The following EXOSC9 variants were observed in gnomAD, a reference collection of about 807,000 sequenced individuals.
EXOSC9 encodes the protein exosome component 9, also known as exosome complex component RRP45.
EXOSC9 carries 38 observed loss-of-function variants against 56.5 expected under a neutral mutation model. The observed-to-expected ratio is 0.67, with a 90% CI of 0.52 to 0.88. The LOEUF is 0.88. EXOSC9 is among the 40% of genes least tolerant of loss of function. EXOSC9 has a pLI of 0.00. For synonymous variants in EXOSC9, 170 were observed against 170.8 expected, an observed-to-expected ratio of 0.99 and a Z score of 0.04; for missense variants, 559 against 530.5, an observed-to-expected ratio of 1.05 and a Z score of -0.53.
At chr4:121,813,065 C>T (rs1347376379) in intron 8 of EXOSC9, among the ~76,000 whole-genome samples, 169 bp from the exon 9 acceptor site, 1 of 152,196 alleles carries the variant, frequency 6.6e-6, no homozygotes, top group Non-Finnish European at 1.5e-5. Context: ...TAACTATTTA[C>T]TCTTGTTAGG....
chr4:121,801,896 T>A lies in EXOSC9; in HGVS notation c.136T>A (p.Cys46Ser). The A allele has an allele frequency of 1.2e-6, 2 of 1,613,588 alleles. No homozygotes were observed. Among genetic ancestry groups the A allele is most frequent in the Non-Finnish European group, 1.7e-6 (2 of 1,179,464 alleles). Residue 46 changes from cysteine to serine, a missense_variant, in exon 2 of 12, where the codon TGC becomes AGC. Transcript: ENST00000243498. ...RISFGTDYGC[C>S]IVELGKTRVL... ...CTCATTTGGAACAGATTACGGATGC[T>A]GCATTGTGGAACTTGGAAAAACAAG...
intron 10 of EXOSC9, chr4:121,814,415 T>A (rs1182395716): frequency 6.5e-6 from 1 of 154,268 alleles, no homozygotes; most frequent in African/African-American, 2.4e-5. Context: ...TATTTTTAAT[T>A]AAAAAAATTT....
rs1726905575 is a variant in EXOSC9, at chr4:121,802,749, C to T, written c.237C>T (p.Asn79=). 3.1e-6 allele frequency: 5 copies of T among 1,613,874 alleles called. No homozygotes were observed. Among genetic ancestry groups the T allele is most frequent in the Non-Finnish European group, 4.2e-6 (5 of 1,179,968 alleles). The change falls in exon 3 of 12, where the codon AAC becomes AAT. Residue 79 remains asparagine, a synonymous_variant. Transcript: ENST00000243498. ...CAACAGAAGGTATTCTTTTTTTTAA[C>T]CTTGAACTCTCTCAGATGGCCGCTC... ...NRATEGILFF[N]LELSQMAAPA...
chr4:121,801,657 G>T, intron 1 of EXOSC9, 167 bp downstream of exon 1: 2 of 790,392 alleles, frequency 2.5e-6, no homozygotes, highest in South Asian at 1.6e-5. Flanking sequence ...TCTTTTCAAG[G>T]CTCCAGTCAC....
intron 8 of EXOSC9, among the ~76,000 whole-genome samples, chr4:121,812,322 C>G (rs557142352): frequency 1.3e-5 from 2 of 152,188 alleles, no homozygotes; most frequent in South Asian, 4.1e-4. Context: ...TATTTTTTTT[C>G]TTAAGGATCT....
chr4:121,807,581 C>A lies in EXOSC9; in HGVS notation c.564C>A (p.His188Gln). Reference protein sequence around the residue: ...EERDPVPLSIHHMPICVSFAF... With the variant: ...EERDPVPLSIQHMPICVSFAF... ...GTGATCCTGTACCATTAAGTATCCACCACATGCCCATTTGTGTCAGTTTTG... is the reference window on the plus strand; with the variant it reads ...GTGATCCTGTACCATTAAGTATCCAACACATGCCCATTTGTGTCAGTTTTG... The change falls in exon 6 of 12, where the codon CAC becomes CAA. Residue 188 changes from histidine to glutamine, a missense_variant. By Grantham distance (24) the His-to-Gln change is conservative. Coordinates refer to ENST00000243498, the MANE Select transcript of EXOSC9 (RefSeq NM_005033.3). The A allele has an allele frequency of 6.2e-7, 1 of 1,613,598 alleles. No individual in the cohort carries two copies. Among genetic ancestry groups the A allele is most frequent in the Non-Finnish European group, 8.5e-7 (1 of 1,179,558 alleles).
intron 7 of EXOSC9, among the ~76,000 whole-genome samples, chr4:121,810,822 C>A (rs1578503811): frequency 6.6e-6 from 1 of 152,150 alleles, no homozygotes; most frequent in Non-Finnish European, 1.5e-5. Context: ...GAGATCGTGT[C>A]ACTGCATTCC....
At chr4:121,811,507 T>C (rs1727211562) in intron 7 of EXOSC9, 76 bp from the exon 8 acceptor site, 2 of 774,556 alleles carry the variant, frequency 2.6e-6, no homozygotes, top group African/African-American at 3.6e-5. Flanking sequence ...GTAGAAAAAT[T>C]TCATGGTTTT....
At chr4:121,805,020 C>T (rs761100666) in intron 5 of EXOSC9, among the ~76,000 whole-genome samples, 34 of 152,164 alleles carry the variant, frequency 2.2e-4, no homozygotes, top group Non-Finnish European at 4.1e-4. Flanking sequence ...TTGGATTGAA[C>T]ATTAGATGAA....
intron 5 of EXOSC9, among the ~76,000 whole-genome samples, chr4:121,805,777 A>T (rs967465811): frequency 1.1e-4 from 16 of 152,042 alleles, no homozygotes; most frequent in Non-Finnish European, 2.2e-4. Context: ...TCAGAAAAAT[A>T]ACAGTAGAAG....
At chr4:121,804,341 A>G (rs944179298) in intron 4 of EXOSC9, among the ~76,000 whole-genome samples, 1 of 152,206 alleles carries the variant, frequency 6.6e-6, no homozygotes, top group African/African-American at 2.4e-5. Context: ...AACAGACATG[A>G]TAAAAATGTA....
intron 10 of EXOSC9, chr4:121,815,272 G>A (rs1724451424): frequency 1.5e-6 from 1 of 676,178 alleles, no homozygotes; most frequent in South Asian, 6.6e-5. Context: ...TTCTCTTATT[G>A]TTGAAGATGT....
chr4:121,811,682 T>C lies in EXOSC9; in HGVS notation c.827+11T>C, dbSNP rs766462398. On this transcript the variant is annotated intron_variant, in intron 8 of 11. Transcript: ENST00000243498. ...TGACCAAAAAGTAAGGTAAGTAACT[T>C]TTCCAGAACTAAGTGGTCTTTTATT... The C allele has an allele frequency of 7.3e-7, 1 of 1,373,208 alleles. No individual in the cohort carries two copies. The highest frequency in any genetic ancestry group is 1.4e-5 in the South Asian group (1 of 70,732). 85.1% of individuals were successfully genotyped at this position (1,373,208 alleles called of 1,614,324 possible).
At chr4:121,805,545 A>C (rs568384861) in intron 5 of EXOSC9, among the ~76,000 whole-genome samples, 1 of 152,226 alleles carries the variant, frequency 6.6e-6, no homozygotes, top group South Asian at 2.1e-4. Context: ...AGAACCATTA[A>C]AAAGTGAGAA....
chr4:121,810,401 C>T (rs542966395), intron 7 of EXOSC9, among the ~76,000 whole-genome samples: 14 of 147,016 alleles, frequency 9.5e-5, no homozygotes, highest in South Asian at 2.1e-4. Flanking sequence ...AAAAAGTGGC[C>T]GGGCATGTTG....
Position 121,816,589 on chromosome 4 carries a change from A to AT in EXOSC9, c.1235+149dup, listed in dbSNP as rs537870734. The AT allele has an allele frequency of 3.1e-4, 255 of 821,216 alleles. 2 individuals are homozygous for AT. In the Middle Eastern group the frequency reaches 4.0e-3, roughly 13 times the overall value. 50.9% of individuals were successfully genotyped at this position (821,216 alleles called of 1,614,324 possible). Reference sequence around the variant, plus strand: ...TCATTAGAGATCCATCTGTTCTGTGATTTTTTTACCTTGTGATTTATAAAA... The same window carrying AT: ...TCATTAGAGATCCATCTGTTCTGTGATTTTTTTTACCTTGTGATTTATAAAA... On this transcript the variant is annotated intron_variant, in intron 11 of 11. Transcript: ENST00000243498.
intron 10 of EXOSC9, chr4:121,815,845 G>A: frequency 9.2e-7 from 1 of 1,089,996 alleles, no homozygotes; most frequent in Non-Finnish European, 1.1e-6. Flanking sequence ...ATTATGACAT[G>A]TACCAAATTG....
intron 5 of EXOSC9, among the ~76,000 whole-genome samples, chr4:121,806,084 C>T (rs1189285008): frequency 2.0e-5 from 3 of 152,110 alleles, no homozygotes; most frequent in African/African-American, 7.2e-5. Flanking sequence ...GGATTACAGG[C>T]ATGAGCCACC....
chr4:121,801,416 C>T lies in EXOSC9; in HGVS notation c.-9C>T. On this transcript the variant is annotated 5_prime_UTR_variant, in exon 1 of 12. Transcript: ENST00000243498. The stretch of plus-strand genomic sequence containing the variant: ...ATTCTGGTGCCTGTGGGGCCGGTGA[C>T]CCAACACCATGAAGGAAACGCCACT... 1 of 1,613,752 alleles carries T rather than the reference C, an allele frequency of 6.2e-7. No individual in the cohort carries two copies. The highest frequency in any genetic ancestry group is 1.1e-5 in the South Asian group (1 of 91,076).
Sources: allele counts gnomAD v4.1 joint callset (sites outside exome capture counted in the v4.1 genomes callset), GRCh38; gene constraint gnomAD v4.1.1; transcripts MANE v1.5; gene names NCBI Gene and HGNC (gene_info 2026-07-23, HGNC 2026-07-21).